EDIL3: variants seen among roughly 807,000 people sequenced by gnomAD.
EDIL3 encodes EGF like and discoidin domains 3, also known as EGF-like repeat and discoidin I-like domain-containing protein 3.
Under a neutral mutation model 67.4 loss-of-function variants are expected in EDIL3, and 37 were observed. The observed-to-expected ratio is 0.55, with a 90% CI of 0.42 to 0.72. The LOEUF (loss-of-function observed/expected upper bound fraction) is 0.72. Among genes scored for constraint, EDIL3 ranks in the 30% least tolerant of loss-of-function variants. EDIL3 has a pLI of 0.00. For synonymous variants in EDIL3, 195 were observed against 196.3 expected (o/e 0.99, Z 0.05); for missense variants, 527 against 586.3 (o/e 0.90, Z 1.04).
At chr5:83,983,739 T>TTCC (rs1745011115) in intron 9 of EDIL3, among the ~76,000 whole-genome samples, 5 of 139,022 alleles carry the variant, frequency 3.6e-5, no homozygotes, top group African/African-American at 1.5e-4. Context: ...GGACAGGGAC[T>TTCC]TTCTTTTTTT....
At chr5:83,983,449 A>G (rs1393802788) in intron 9 of EDIL3, among the ~76,000 whole-genome samples, 3 of 152,150 alleles carry the variant, frequency 2.0e-5, no homozygotes, top group Non-Finnish European at 2.9e-5. Flanking sequence ...CTTCATAAAC[A>G]GCAAGGAAAA....
At chr5:84,198,191 G>A (rs1045157251) in intron 3 of EDIL3, among the ~76,000 whole-genome samples, 2 of 151,906 alleles carry the variant, frequency 1.3e-5, no homozygotes, top group Non-Finnish European at 2.9e-5. Context: ...CAGAGAAAGA[G>A]GATGATACCA....
intron 3 of EDIL3, among the ~76,000 whole-genome samples, chr5:84,186,190 T>C (rs1743441651): frequency 1.3e-5 from 2 of 151,920 alleles, no homozygotes; most frequent in South Asian, 4.1e-4. Flanking sequence ...ATTTTGATAC[T>C]GAAAAAAAAT....
At chr5:84,071,057 G>T (rs956330131) in intron 6 of EDIL3, among the ~76,000 whole-genome samples, 44 of 152,166 alleles carry the variant, frequency 2.9e-4, no homozygotes, top group Non-Finnish European at 5.7e-4. Context: ...TTAGACAGGA[G>T]TCTGCAGGCA....
At chr5:84,279,906 T>G (rs1047541990) in intron 1 of EDIL3, among the ~76,000 whole-genome samples, 3 of 152,342 alleles carry the variant, frequency 2.0e-5, no homozygotes, top group African/African-American at 7.2e-5. Flanking sequence ...CACCCAGTAC[T>G]TAATCCCTGG....
At chr5:84,209,026 C>T (rs1191182946) in intron 3 of EDIL3, among the ~76,000 whole-genome samples, 1 of 152,106 alleles carries the variant, frequency 6.6e-6, no homozygotes, top group African/African-American at 2.4e-5. Flanking sequence ...ACATATACAC[C>T]TTGGAATACT....
At chr5:83,975,280 C>A (rs1401350429) in intron 9 of EDIL3, among the ~76,000 whole-genome samples, 2 of 151,954 alleles carry the variant, frequency 1.3e-5, no homozygotes, top group Non-Finnish European at 2.9e-5. Flanking sequence ...CTGCACTCAG[C>A]ACCAAATAAC....
At chr5:84,117,785 T>C (rs1278202415) in intron 5 of EDIL3, among the ~76,000 whole-genome samples, 2 of 152,116 alleles carry the variant, frequency 1.3e-5, no homozygotes, top group Non-Finnish European at 2.9e-5. Context: ...CCTGCAAATG[T>C]TGGCTAGCTC....
chr5:84,085,004 C>G (rs1463446019), intron 6 of EDIL3, among the ~76,000 whole-genome samples: 1 of 152,118 alleles, frequency 6.6e-6, no homozygotes. Context: ...ATAACATAAT[C>G]AGGGTATTTT....
At chr5:84,270,150 T>A (rs1561241005) in intron 1 of EDIL3, among the ~76,000 whole-genome samples, 1 of 152,232 alleles carries the variant, frequency 6.6e-6, no homozygotes, top group Admixed American at 6.5e-5. Context: ...TACAATTATA[T>A]GCACTGATTT....
At chr5:84,050,309 A>G (rs1026803579) in intron 9 of EDIL3, among the ~76,000 whole-genome samples, 1 of 152,152 alleles carries the variant, frequency 6.6e-6, no homozygotes, top group Admixed American at 6.5e-5. Flanking sequence ...TAAAAACAAT[A>G]GAATGTTAAA....
chr5:84,230,894 C>G (rs1744564734), intron 2 of EDIL3, among the ~76,000 whole-genome samples: 1 of 151,732 alleles, frequency 6.6e-6, no homozygotes, highest in Admixed American at 6.6e-5. Context: ...AGAGTGACCC[C>G]AGGTGGTTCT....
At chr5:84,349,945 C>G (rs915136857) in intron 1 of EDIL3, among the ~76,000 whole-genome samples, 5 of 152,020 alleles carry the variant, frequency 3.3e-5, no homozygotes, top group African/African-American at 1.2e-4. Flanking sequence ...TTGCTTAATC[C>G]TTATAACAGC....
chr5:84,221,897 T>C (rs993559076), intron 3 of EDIL3, among the ~76,000 whole-genome samples: 3 of 152,002 alleles, frequency 2.0e-5, no homozygotes, highest in African/African-American at 7.2e-5. Flanking sequence ...AAAATGAGAA[T>C]GTGAAGTTCT....
intron 3 of EDIL3, among the ~76,000 whole-genome samples, chr5:84,198,055 G>A (rs1454624859): frequency 6.6e-6 from 1 of 151,936 alleles, no homozygotes; most frequent in Non-Finnish European, 1.5e-5. Flanking sequence ...CAACTATGGG[G>A]CACAACATCT....
At chr5:84,087,546 T>C (rs922307823) in intron 6 of EDIL3, among the ~76,000 whole-genome samples, 1 of 152,246 alleles carries the variant, frequency 6.6e-6, no homozygotes, top group Non-Finnish European at 1.5e-5. Flanking sequence ...AAAAATATTC[T>C]CAGTCTTGGG....
intron 1 of EDIL3, among the ~76,000 whole-genome samples, chr5:84,358,059 C>T (rs962568853): frequency 1.3e-5 from 2 of 152,074 alleles, no homozygotes; most frequent in Non-Finnish European, 2.9e-5. Context: ...AGACCAATTA[C>T]AAGAATCCTC....
intron 1 of EDIL3, among the ~76,000 whole-genome samples, chr5:84,383,705 C>T (rs1748144881): frequency 6.6e-6 from 1 of 152,110 alleles, no homozygotes; most frequent in South Asian, 2.1e-4. Flanking sequence ...CGATGCTGCT[C>T]CTCTGGGATG....
At chr5:84,100,789 T>C (rs1747349726) in intron 6 of EDIL3, among the ~76,000 whole-genome samples, 1 of 152,158 alleles carries the variant, frequency 6.6e-6, no homozygotes, top group Non-Finnish European at 1.5e-5. Flanking sequence ...GTGTTTGTTT[T>C]TCAATAAATA....
Sources: allele counts gnomAD v4.1 joint callset (sites outside exome capture counted in the v4.1 genomes callset), GRCh38; gene constraint gnomAD v4.1.1; transcripts MANE v1.5; gene names NCBI Gene and HGNC (gene_info 2026-07-23, HGNC 2026-07-21).